Variants in ITGA9 observed in about 807,000 individuals in gnomAD.
ITGA9 encodes the protein integrin alpha-9.
Under a neutral mutation model 127.8 loss-of-function variants are expected in ITGA9, and 56 were observed. That is an observed-to-expected ratio of 0.44 (90% CI 0.35 to 0.55). The LOEUF (loss-of-function observed/expected upper bound fraction) is 0.55, where lower values mean the gene tolerates loss of function less well. ITGA9 is among the 20% of genes least tolerant of loss of function. The pLI, the probability that ITGA9 is intolerant of heterozygous loss-of-function variation, is 0.00. For missense variants in ITGA9, 1,196 were observed against 1,347.1 expected (o/e 0.89, Z 1.76); for synonymous variants, 508 against 514.5 (o/e 0.99, Z 0.17).
rs1225304127 is a variant in ITGA9, at chr3:37,533,522, G to A, written c.1528+54G>A. ...ATACCCGTTTAGCTGGAGTGGGCTAGTGGGATATTTCCGATGTTCCCTGTC... is the reference window on the plus strand; with the variant it reads ...ATACCCGTTTAGCTGGAGTGGGCTAATGGGATATTTCCGATGTTCCCTGTC... On this transcript the variant is annotated intron_variant, in intron 14 of 27. Coordinates refer to ENST00000264741, the MANE Select transcript of ITGA9 (RefSeq NM_002207.3). The A allele has an allele frequency of 1.9e-6, 3 of 1,580,490 alleles. No individual in the cohort carries two copies. The Admixed American group carries it at 5.1e-5, about 27-fold the overall frequency.
intron 16 of ITGA9, among the ~76,000 whole-genome samples, chr3:37,638,963 G>A (rs578222719): frequency 1.3e-4 from 20 of 152,318 alleles, no homozygotes; most frequent in African/African-American, 4.6e-4. Flanking sequence ...GAGAAGACGG[G>A]TTCCAGGATA....
chr3:37,736,643 G>A (rs984217701), intron 19 of ITGA9, among the ~76,000 whole-genome samples: 4 of 152,152 alleles, frequency 2.6e-5, no homozygotes, highest in African/African-American at 4.8e-5. Context: ...AGAAAGTCCC[G>A]GTTAAAGAGT....
intron 18 of ITGA9, among the ~76,000 whole-genome samples, chr3:37,702,420 G>T (rs761021413): frequency 3.9e-5 from 6 of 152,178 alleles, no homozygotes; most frequent in Non-Finnish European, 8.8e-5. Context: ...GGTTCCTGCC[G>T]ATTGGCAAGG....
chr3:37,704,258 C>T (rs114496298), intron 18 of ITGA9, among the ~76,000 whole-genome samples: 3,050 of 152,168 alleles, frequency 0.02, 95 homozygotes, highest in African/African-American at 0.069. Flanking sequence ...TCCTTCAGTA[C>T]CCAAGGATTC....
At chr3:37,752,714 A>G (rs1233935694) in intron 23 of ITGA9, among the ~76,000 whole-genome samples, 1 of 152,192 alleles carries the variant, frequency 6.6e-6, no homozygotes, top group Non-Finnish European at 1.5e-5. Flanking sequence ...ATTCATTTAG[A>G]AGTCTCTGGG....
chr3:37,744,636 A>C (rs1696478843), intron 22 of ITGA9, among the ~76,000 whole-genome samples: 1 of 152,098 alleles, frequency 6.6e-6, no homozygotes, highest in Non-Finnish European at 1.5e-5. Context: ...CATGAAGGAC[A>C]CTGTTTCTTC....
At chr3:37,486,305 G>A (rs1196485180) in intron 4 of ITGA9, among the ~76,000 whole-genome samples, 2 of 152,178 alleles carry the variant, frequency 1.3e-5, no homozygotes, top group African/African-American at 2.4e-5. Context: ...TGGTATGTTA[G>A]ACCTAAATTG....
At chr3:37,626,819 C>T (rs1045040253) in intron 15 of ITGA9, among the ~76,000 whole-genome samples, 1 of 152,234 alleles carries the variant, frequency 6.6e-6, no homozygotes. Flanking sequence ...TGTTTCCCTA[C>T]CCCCATCTTC....
intron 13 of ITGA9, among the ~76,000 whole-genome samples, chr3:37,526,862 A>C (rs1699098437): frequency 6.6e-6 from 1 of 152,240 alleles, no homozygotes; most frequent in African/African-American, 2.4e-5. Context: ...ATTCAGCGGT[A>C]CCTTCTGCTG....
chr3:37,504,280 T>C (rs956207944), intron 6 of ITGA9, among the ~76,000 whole-genome samples: 3 of 152,210 alleles, frequency 2.0e-5, no homozygotes, highest in Non-Finnish European at 2.9e-5. Context: ...TTCTTTTTAA[T>C]TTCTGAAACA....
intron 14 of ITGA9, among the ~76,000 whole-genome samples, chr3:37,536,945 G>A (rs901543673): frequency 6.6e-6 from 1 of 152,236 alleles, no homozygotes; most frequent in Non-Finnish European, 1.5e-5. Flanking sequence ...TCCCAGACCA[G>A]CTGCATTAGC....
chr3:37,609,141 G>T (rs977352730), intron 15 of ITGA9, among the ~76,000 whole-genome samples: 4 of 151,904 alleles, frequency 2.6e-5, no homozygotes, highest in African/African-American at 9.7e-5. Flanking sequence ...ATGCTTGCCC[G>T]CCTCTTCCAT....
At chr3:37,510,179 T>G (rs2125574317) in intron 8 of ITGA9, among the ~76,000 whole-genome samples, 1 of 152,064 alleles carries the variant, frequency 6.6e-6, no homozygotes, top group East Asian at 1.9e-4. Context: ...TTTTTGTATT[T>G]TTTTTTGTAG....
chr3:37,657,478 A>T (rs1486844103), intron 17 of ITGA9, among the ~76,000 whole-genome samples: 1 of 152,090 alleles, frequency 6.6e-6, no homozygotes, highest in African/African-American at 2.4e-5. Flanking sequence ...TTATTTGCAT[A>T]GAAGTGTTTA....
chr3:37,500,449 CG>C (rs1262065962), intron 5 of ITGA9, among the ~76,000 whole-genome samples: 2 of 152,302 alleles, frequency 1.3e-5, no homozygotes, highest in Admixed American at 6.5e-5. Context: ...CAAGCCTTTC[CG>C]GCGAGAATCT....
intron 15 of ITGA9, among the ~76,000 whole-genome samples, chr3:37,584,134 TG>T (rs2125611335): frequency 6.6e-6 from 1 of 152,326 alleles, no homozygotes; most frequent in South Asian, 2.1e-4. Flanking sequence ...CATGGATCTG[TG>T]GGATGGTTGG....
chr3:37,492,807 CCA>C (rs914376106), intron 4 of ITGA9, among the ~76,000 whole-genome samples: 1 of 152,126 alleles, frequency 6.6e-6, no homozygotes. Context: ...ATGCTTTTTG[CCA>C]GACTTTTCAC....
intron 6 of ITGA9, among the ~76,000 whole-genome samples, chr3:37,505,759 C>T (rs1698833889): frequency 6.6e-6 from 1 of 152,190 alleles, no homozygotes; most frequent in African/African-American, 2.4e-5. Flanking sequence ...TCATACAGTA[C>T]TTGTCCGAAA....
At chr3:37,557,510 G>A (rs1462886870) in intron 15 of ITGA9, among the ~76,000 whole-genome samples, 1 of 152,148 alleles carries the variant, frequency 6.6e-6, no homozygotes, top group Non-Finnish European at 1.5e-5. Flanking sequence ...CCCAGTTCAT[G>A]GGAGTTGGAA....
Sources: allele counts gnomAD v4.1 joint callset (sites outside exome capture counted in the v4.1 genomes callset), GRCh38; gene constraint gnomAD v4.1.1; transcripts MANE v1.5; gene names NCBI Gene and HGNC (gene_info 2026-07-23, HGNC 2026-07-21).